KCNH8: variants seen among roughly 807,000 people sequenced by gnomAD.
KCNH8 encodes voltage-gated delayed rectifier potassium channel KCNH8.
In KCNH8, 70 loss-of-function variants were observed where a neutral mutation model predicts 103.6. That is an observed-to-expected ratio of 0.68 (90% confidence interval 0.56 to 0.82). KCNH8 has a LOEUF of 0.82. Among genes scored for constraint, KCNH8 ranks in the 40% least tolerant of loss-of-function variants. KCNH8 has a pLI of 0.00. For synonymous variants in KCNH8, 498 were observed against 489.4 expected, an observed-to-expected ratio of 1.02 and a Z score of -0.23; for missense variants, 1,217 against 1,329.9, an observed-to-expected ratio of 0.92 and a Z score of 1.32.
intron 11 of KCNH8, among the ~76,000 whole-genome samples, chr3:19,474,306 G>C (rs1019202809): frequency 8.5e-5 from 13 of 152,102 alleles, no homozygotes; most frequent in Admixed American, 6.6e-4. Flanking sequence ...ATATGGTGGA[G>C]GCAGTCTGCT....
chr3:19,433,370 C>T (rs1026262036), intron 7 of KCNH8, among the ~76,000 whole-genome samples: 1 of 152,082 alleles, frequency 6.6e-6, no homozygotes, highest in African/African-American at 2.4e-5. Flanking sequence ...AGAATTAAAA[C>T]AAATGAAAGA....
At chr3:19,449,084 G>A in intron 8 of KCNH8, 1 of 552,382 alleles carries the variant, frequency 1.8e-6, no homozygotes, top group Non-Finnish European at 3.0e-6. Flanking sequence ...GGTAATTCCT[G>A]GAAAGTGAGG....
At chr3:19,350,882 CTT>C in intron 5 of KCNH8, among the ~76,000 whole-genome samples, 1 of 152,214 alleles carries the variant, frequency 6.6e-6, no homozygotes, top group Middle Eastern at 3.4e-3. Flanking sequence ...TGGAGAATGA[CTT>C]TGACGAGTTG....
chr3:19,173,604 T>A (rs1338544592), intron 1 of KCNH8, among the ~76,000 whole-genome samples: 3 of 152,046 alleles, frequency 2.0e-5, no homozygotes, highest in Non-Finnish European at 4.4e-5. Context: ...GAGAAGTCAG[T>A]GCAGGAGAGA....
chr3:19,521,652 A>G (rs1179841701), intron 15 of KCNH8, among the ~76,000 whole-genome samples: 1 of 151,940 alleles, frequency 6.6e-6, no homozygotes, highest in African/African-American at 2.4e-5. Context: ...GAAAATCACT[A>G]TTTTCACCTA....
At chr3:19,212,183 T>A (rs891618313) in intron 1 of KCNH8, among the ~76,000 whole-genome samples, 1 of 152,206 alleles carries the variant, frequency 6.6e-6, no homozygotes, top group East Asian at 1.9e-4. Flanking sequence ...TTATTAAGCA[T>A]CTTAAATATA....
chr3:19,211,703 C>G (rs2063773179), intron 1 of KCNH8, among the ~76,000 whole-genome samples: 1 of 152,166 alleles, frequency 6.6e-6, no homozygotes, highest in Non-Finnish European at 1.5e-5. Context: ...GGCTCCAAGA[C>G]TGTGTCAGAC....
intron 11 of KCNH8, among the ~76,000 whole-genome samples, chr3:19,466,880 C>T (rs559071608): frequency 4.0e-5 from 6 of 151,896 alleles, no homozygotes; most frequent in Non-Finnish European, 8.8e-5. Context: ...AGGCTGGTCT[C>T]GAACTCCCTA....
At chr3:19,308,713 T>TCTCTCCCCCTCTCCCCCTCTCCCC (rs2065167034) in intron 3 of KCNH8, among the ~76,000 whole-genome samples, 1 of 34,910 alleles carries the variant, frequency 2.9e-5, no homozygotes, top group African/African-American at 2.0e-4. Flanking sequence ...TCTCTCTCTC[T>TCTCTCCCCCTCTCCCCCTCTCCCC]CTCTCCCCCT....
Position 19,258,453 on chromosome 3 carries a change from A to G in KCNH8, c.310+4566A>G, listed in dbSNP as rs183377211. Among the ~76,000 whole-genome samples the G allele has an allele frequency of 2.6e-5, 4 of 152,084 alleles. No homozygotes were observed. The East Asian group carries it at 7.8e-4, about 30-fold the overall frequency. ...TGGGCAAGAGTCAGAGTTGCTAAAT[A>G]TACTGTAATGTGTGGAATGATCTTG... On this transcript the variant is annotated intron_variant, in intron 2 of 15. Transcript: ENST00000328405.
intron 7 of KCNH8, among the ~76,000 whole-genome samples, chr3:19,429,205 GCT>G (rs1450780369): frequency 8.4e-6 from 1 of 118,402 alleles, no homozygotes; most frequent in East Asian, 2.6e-4. Flanking sequence ...AAGAGTCCTC[GCT>G]CTGTCACCAA....
intron 7 of KCNH8, among the ~76,000 whole-genome samples, chr3:19,409,785 ACATAATGATAAATTGTT>A (rs2066748699): frequency 1.3e-5 from 2 of 152,132 alleles, no homozygotes; most frequent in African/African-American, 2.4e-5. Flanking sequence ...TTACAACATT[ACATAATGATAAATTGTT>A]CAAGCAACAA....
chr3:19,329,127 G>A (rs2065470131), intron 3 of KCNH8, among the ~76,000 whole-genome samples: 1 of 152,080 alleles, frequency 6.6e-6, no homozygotes, highest in Non-Finnish European at 1.5e-5. Flanking sequence ...TTAAGAGTTA[G>A]GATTCCAATG....
chr3:19,204,951 A>T (rs987208152), intron 1 of KCNH8, among the ~76,000 whole-genome samples: 1 of 152,098 alleles, frequency 6.6e-6, no homozygotes, highest in African/African-American at 2.4e-5. Flanking sequence ...CAAGGATGTC[A>T]AATGAAGAAG....
rs770074137 is a variant in KCNH8 at position 19,420,088 on chromosome 3, CCG to C, written c.1178-18074_1178-18073del. Among the ~76,000 whole-genome samples the C allele has an allele frequency of 1.3e-4, 20 of 152,172 alleles. No homozygotes were observed. The East Asian group carries it at 3.7e-3, about 28-fold the overall frequency. The stretch of plus-strand genomic sequence containing the variant: ...TAAATTTTACAGGCTGTCTAAAGTA[CCG>C]CCTGTAAAATAGCAACAGCATTAGC... On this transcript the variant is annotated intron_variant, in intron 7 of 15. Transcript: ENST00000328405.
At chr3:19,185,698 A>G (rs1389099094) in intron 1 of KCNH8, among the ~76,000 whole-genome samples, 5 of 151,210 alleles carry the variant, frequency 3.3e-5, no homozygotes, top group South Asian at 4.1e-4. Flanking sequence ...GGTATTTAGC[A>G]TGCTTATGCT....
intron 1 of KCNH8, among the ~76,000 whole-genome samples, chr3:19,191,775 G>T (rs982019181): frequency 3.3e-5 from 5 of 151,500 alleles, no homozygotes; most frequent in Admixed American, 1.3e-4. Flanking sequence ...TTTTATCAGG[G>T]TTCATCCTGC....
intron 5 of KCNH8, among the ~76,000 whole-genome samples, chr3:19,368,225 A>AGCCC (rs2066039590): frequency 6.6e-6 from 1 of 152,216 alleles, no homozygotes; most frequent in Non-Finnish European, 1.5e-5. Flanking sequence ...GTATTCAAGA[A>AGCCC]GCCCATACAA....
intron 15 of KCNH8, among the ~76,000 whole-genome samples, chr3:19,531,469 T>C (rs2069159984): frequency 6.6e-6 from 1 of 152,130 alleles, no homozygotes; most frequent in South Asian, 2.1e-4. Flanking sequence ...GGCTGAGAGA[T>C]GTTGTTGTCT....
Sources: gnomAD v4.1 joint callset for allele counts (sites outside exome capture counted in the v4.1 genomes callset) on GRCh38, gnomAD v4.1.1 for gene constraint, MANE v1.5 for transcripts, NCBI Gene and HGNC (gene_info 2026-07-23, HGNC 2026-07-21) for gene names.